The following MCTP2 variants were observed in gnomAD, a reference collection of about 807,000 sequenced individuals.
MCTP2 encodes multiple C2 and transmembrane domain-containing protein 2.
A neutral mutation model predicts 111.6 loss-of-function variants in MCTP2; 132 were observed. The ratio of observed to expected loss-of-function variants is 1.18; its 90% CI spans 1.03 to 1.37. The LOEUF (loss-of-function observed/expected upper bound fraction) is 1.37, where lower values mean the gene tolerates loss of function less well. MCTP2 is among the 40% of genes most tolerant of loss of function. MCTP2 has a pLI of 0.00. For missense variants in MCTP2, 1,183 were observed against 1,067.9 expected (o/e 1.11, Z -1.50); for synonymous variants, 395 against 387.7 (o/e 1.02, Z -0.22).
At chr15:94,447,378 T>G (rs935520772) in intron 19 of MCTP2, among the ~76,000 whole-genome samples, 3 of 152,006 alleles carry the variant, frequency 2.0e-5, no homozygotes, top group Non-Finnish European at 2.9e-5. Flanking sequence ...TTCATTTGTG[T>G]GTGTGTGTGT....
intron 14 of MCTP2, among the ~76,000 whole-genome samples, chr15:94,389,283 G>C (rs1304268065): frequency 1.3e-5 from 2 of 152,066 alleles, no homozygotes; most frequent in Non-Finnish European, 2.9e-5. Context: ...CCGTGTCTGG[G>C]AATGAGGAGG....
At chr15:94,271,096 A>G (rs1487563631) in intron 1 of MCTP2, among the ~76,000 whole-genome samples, 1 of 152,188 alleles carries the variant, frequency 6.6e-6, no homozygotes, top group African/African-American at 2.4e-5. Flanking sequence ...TTACAACAGT[A>G]CTTCATATGC....
At chr15:94,367,306 T>A (rs976988574) in intron 10 of MCTP2, among the ~76,000 whole-genome samples, 1 of 152,200 alleles carries the variant, frequency 6.6e-6, no homozygotes, top group Non-Finnish European at 1.5e-5. Context: ...TCTTTCTAAT[T>A]TTTGATCTTA....
intron 1 of MCTP2, among the ~76,000 whole-genome samples, chr15:94,263,226 G>A (rs2152285096): frequency 6.6e-6 from 1 of 152,300 alleles, no homozygotes; most frequent in Admixed American, 6.5e-5. Flanking sequence ...TTGGTTTTCG[G>A]CTGAATAGTG....
intron 5 of MCTP2, 23 bp downstream of exon 5, chr15:94,339,455 T>C: frequency 1.3e-6 from 2 of 1,551,022 alleles, no homozygotes; most frequent in Non-Finnish European, 8.7e-7. Context: ...AGCTTTCAAA[T>C]CTGCTCCTTT....
At chr15:94,355,603 C>G (rs2078577843) in intron 8 of MCTP2, among the ~76,000 whole-genome samples, 1 of 152,142 alleles carries the variant, frequency 6.6e-6, no homozygotes, top group South Asian at 2.1e-4. Flanking sequence ...ATTTGGCCAG[C>G]TAGGCCACTG....
At chr15:94,478,737 G>A (rs548914117) in intron 22 of MCTP2, among the ~76,000 whole-genome samples, 5 of 152,246 alleles carry the variant, frequency 3.3e-5, no homozygotes, top group South Asian at 2.1e-4. Flanking sequence ...AGAAACCCAC[G>A]CATCTCATTA....
intron 1 of MCTP2, among the ~76,000 whole-genome samples, chr15:94,237,767 C>T (rs1004673694): frequency 2.0e-5 from 3 of 152,080 alleles, no homozygotes; most frequent in Admixed American, 6.5e-5. Flanking sequence ...AGTCTAGCAC[C>T]TTTTAAGGTC....
chr15:94,331,817 A>G (rs1318377601), intron 4 of MCTP2, among the ~76,000 whole-genome samples: 1 of 152,168 alleles, frequency 6.6e-6, no homozygotes, highest in African/African-American at 2.4e-5. Context: ...GAAGGAAGTC[A>G]ATTGTATTTG....
intron 8 of MCTP2, among the ~76,000 whole-genome samples, chr15:94,354,995 A>G (rs952928840): frequency 1.3e-5 from 2 of 152,220 alleles, no homozygotes; most frequent in Non-Finnish European, 2.9e-5. Flanking sequence ...TTCTCCTTCA[A>G]TAAAGAAGCC....
intron 17 of MCTP2, among the ~76,000 whole-genome samples, chr15:94,422,162 C>T (rs67750360): frequency 0.16 from 24,823 of 151,960 alleles, 2,095 homozygotes; most frequent in East Asian, 0.25. Context: ...TGCTAGTATA[C>T]GGCTGGAGGG....
At chr15:94,336,787 G>A (rs2077386182) in intron 4 of MCTP2, among the ~76,000 whole-genome samples, 1 of 151,898 alleles carries the variant, frequency 6.6e-6, no homozygotes, top group South Asian at 2.1e-4. Flanking sequence ...GTACTGCTGT[G>A]TGTTTGGAAT....
At chr15:94,257,569 G>GTTTTTTTTTCTTTTTTTTTTTTTTTTTTT (rs2072880130) in intron 1 of MCTP2, among the ~76,000 whole-genome samples, 1 of 33,822 alleles carries the variant, frequency 3.0e-5, no homozygotes, top group Admixed American at 4.2e-4. Context: ...TTTCTTTGTT[G>GTTTTTTTTTCTTTTTTTTTTTTTTTTTTT]TTTTTTTTTT....
chr15:94,387,175 C>T (rs1161453511), intron 14 of MCTP2, among the ~76,000 whole-genome samples: 7 of 151,808 alleles, frequency 4.6e-5, no homozygotes, highest in African/African-American at 1.5e-4. Context: ...CTCTCTCCTT[C>T]CTTCCCTAGA....
At chr15:94,387,761 G>C (rs2080597679) in intron 14 of MCTP2, among the ~76,000 whole-genome samples, 1 of 152,216 alleles carries the variant, frequency 6.6e-6, no homozygotes, top group African/African-American at 2.4e-5. Context: ...GAAAAGTAAA[G>C]AGGGAGAGGG....
rs1278463635 is a variant in MCTP2, at chr15:94,326,818, A to ACCCC, written c.637+11187_637+11190dup. ...CTTGACCTCAGGTGATCCCCGCCCC[A>ACCCC]CCCCCCCCCAACCTCGGCCTCCCAA... On this transcript the variant is annotated intron_variant, in intron 4 of 22. Transcript: ENST00000357742. Among the ~76,000 whole-genome samples the ACCCC allele has an allele frequency of 1.8e-3, 82 of 45,370 alleles. 1 individual carries two copies. Among genetic ancestry groups the ACCCC allele is most frequent in the South Asian group, 2.2e-3 (2 of 902 alleles). The allele number at this position is 45,370 out of a possible 152,430, so 29.8% of individuals were successfully genotyped here.
chr15:94,243,987 A>C (rs919242371), intron 1 of MCTP2, among the ~76,000 whole-genome samples: 1 of 147,320 alleles, frequency 6.8e-6, no homozygotes, highest in East Asian at 2.1e-4. Flanking sequence ...ACACATACAT[A>C]TGTGTATATA....
intron 17 of MCTP2, among the ~76,000 whole-genome samples, chr15:94,435,842 G>A (rs568859771): frequency 1.2e-4 from 18 of 150,240 alleles, no homozygotes; most frequent in East Asian, 5.9e-4. Context: ...CGTTTTAGCC[G>A]GGATGGTCTC....
At chr15:94,419,758 T>TA (rs2082540787) in intron 17 of MCTP2, among the ~76,000 whole-genome samples, 2 of 148,906 alleles carry the variant, frequency 1.3e-5, no homozygotes, top group East Asian at 1.9e-4. Flanking sequence ...TACTGCTTAT[T>TA]TTTTTTTTTT....
Sources: gnomAD v4.1 joint callset for allele counts (sites outside exome capture counted in the v4.1 genomes callset) on GRCh38, gnomAD v4.1.1 for gene constraint, MANE v1.5 for transcripts, NCBI Gene and HGNC (gene_info 2026-07-23, HGNC 2026-07-21) for gene names.